The following EFTUD2 variants were observed in gnomAD, a reference collection of about 807,000 sequenced individuals.
EFTUD2 encodes the protein 116 kDa U5 small nuclear ribonucleoprotein component.
In EFTUD2, 9 loss-of-function variants were observed where a neutral mutation model predicts 114.3. That is an observed-to-expected ratio of 0.08 (90% CI 0.05 to 0.14). The LOEUF is 0.14. Ranked by LOEUF, EFTUD2 falls within the 10% of genes least tolerant of loss-of-function variation. The pLI is 1.00. For missense variants in EFTUD2, 765 were observed against 1,241.2 expected, an observed-to-expected ratio of 0.62 and a Z score of 5.76; for synonymous variants, 449 against 462.3, an observed-to-expected ratio of 0.97 and a Z score of 0.37.
At chr17:44,884,747 C>T (rs1050962419) in intron 4 of EFTUD2, among the ~76,000 whole-genome samples, 7 of 151,942 alleles carry the variant, frequency 4.6e-5, no homozygotes, top group Non-Finnish European at 8.8e-5. Flanking sequence ...ATTAGCCAGG[C>T]GTGGTGGTGT....
intron 25 of EFTUD2, 73 bp downstream of exon 25, chr17:44,853,223 C>T (rs2050487596): frequency 6.6e-7 from 1 of 1,510,800 alleles, no homozygotes. Context: ...CCTCTCTTCC[C>T]TGTAGGAGCC....
At chr17:44,888,256 AT>A (rs1246669582) in intron 2 of EFTUD2, among the ~76,000 whole-genome samples, 1 of 152,172 alleles carries the variant, frequency 6.6e-6, no homozygotes. Flanking sequence ...CGCTCTAAGA[AT>A]TTGGACTTTA....
chr17:44,872,617 G>T lies in EFTUD2; in HGVS notation c.870-47C>A, dbSNP rs759523694. On this transcript the variant is annotated intron_variant, in intron 10 of 27. Coordinates refer to ENST00000426333, the MANE Select transcript of EFTUD2 (RefSeq NM_004247.4). ...ACACAGTGCCAGGCTGCAGCAGCCC[G>T]GACGCACTGCCAAGGGGAAGGGCAG... 3 of 1,539,836 alleles carry T rather than the reference G, an allele frequency of 1.9e-6. No individual in the cohort carries two copies. In the South Asian group the frequency reaches 3.7e-5, roughly 19 times the overall value.
chr17:44,876,617 C>G (rs1423648771), intron 9 of EFTUD2, among the ~76,000 whole-genome samples: 1 of 152,004 alleles, frequency 6.6e-6, no homozygotes, highest in Non-Finnish European at 1.5e-5. Flanking sequence ...CTTTGGGAGG[C>G]TGAGGTGGGC....
Position 44,850,668 on chromosome 17 carries a change from T to G in EFTUD2, c.*606A>C. On this transcript the variant is annotated 3_prime_UTR_variant, in exon 28 of 28. Coordinates refer to ENST00000426333, the MANE Select transcript of EFTUD2 (RefSeq NM_004247.4). Reference sequence around the variant, plus strand: ...CTTCTGATCGCAGGAACCCAACAACTCCCAAGCCATCTTAGGTTCCACCCA... The same window carrying G: ...CTTCTGATCGCAGGAACCCAACAACGCCCAAGCCATCTTAGGTTCCACCCA... The G allele has an allele frequency of 2.8e-6, 1 of 357,782 alleles. No individual in the cohort carries two copies. The highest frequency in any genetic ancestry group is 5.3e-6 in the Non-Finnish European group (1 of 190,306). 22.2% of individuals were successfully genotyped at this position (357,782 alleles called of 1,614,324 possible).
intron 7 of EFTUD2, 78 bp downstream of exon 7, chr17:44,881,609 G>C: frequency 1.4e-6 from 2 of 1,464,262 alleles, no homozygotes; most frequent in Non-Finnish European, 1.9e-6. Context: ...TATCATAAAG[G>C]CTCCTCTACA....
At chr17:44,883,751 G>C in intron 4 of EFTUD2, 27 bp from the exon 5 acceptor site, 1 of 1,611,400 alleles carries the variant, frequency 6.2e-7, no homozygotes, top group Admixed American at 1.7e-5. Flanking sequence ...AAAGAGAAAA[G>C]AGAGATTGGC....
At chr17:44,893,281 C>A (rs747638195) in intron 2 of EFTUD2, among the ~76,000 whole-genome samples, 7 of 152,116 alleles carry the variant, frequency 4.6e-5, no homozygotes, top group Non-Finnish European at 8.8e-5. Context: ...CGCCAACAAG[C>A]CTGGCTAATA....
intron 20 of EFTUD2, among the ~76,000 whole-genome samples, chr17:44,855,958 G>GA (rs530662136): frequency 0.21 from 26,902 of 127,926 alleles, 2,919 homozygotes; most frequent in African/African-American, 0.32. Context: ...TGTCTCAAAA[G>GA]AAAAAAAAAA....
At chr17:44,866,393 C>T (rs1014885394) in intron 13 of EFTUD2, among the ~76,000 whole-genome samples, 1 of 151,212 alleles carries the variant, frequency 6.6e-6, no homozygotes, top group African/African-American at 2.4e-5. Context: ...CACAAGTGCA[C>T]ACCACCAGTC....
chr17:44,866,571 G>T (rs2050749793), intron 13 of EFTUD2, among the ~76,000 whole-genome samples: 1 of 152,054 alleles, frequency 6.6e-6, no homozygotes, highest in Non-Finnish European at 1.5e-5. Context: ...TAGAAATGGG[G>T]TCTTGCCATG....
At chr17:44,876,855 C>CAA (rs58892812) in intron 9 of EFTUD2, among the ~76,000 whole-genome samples, 3,788 of 48,198 alleles carry the variant, frequency 0.079, 732 homozygotes, top group East Asian at 0.14. Context: ...GACTCCGTCT[C>CAA]AAAAAAAAAA....
intron 2 of EFTUD2, among the ~76,000 whole-genome samples, chr17:44,888,803 T>C (rs1000188945): frequency 6.6e-6 from 1 of 152,066 alleles, no homozygotes; most frequent in Admixed American, 6.5e-5. Flanking sequence ...GCTCAGTACT[T>C]AGGTGTGAGT....
At chr17:44,897,244 CCA>C (rs1567758925) in intron 1 of EFTUD2, among the ~76,000 whole-genome samples, 1 of 148,378 alleles carries the variant, frequency 6.7e-6, no homozygotes, top group East Asian at 2.0e-4. Context: ...AAAGAATTTA[CCA>C]GAGTCCTAGG....
At chr17:44,866,837 C>T (rs1369081437) in intron 13 of EFTUD2, among the ~76,000 whole-genome samples, 1 of 152,172 alleles carries the variant, frequency 6.6e-6, no homozygotes, top group African/African-American at 2.4e-5. Flanking sequence ...AGGTGGTGGA[C>T]TCCTGCCTGT....
intron 17 of EFTUD2, 76 bp downstream of exon 17, chr17:44,860,356 G>T: frequency 9.7e-7 from 1 of 1,032,000 alleles, no homozygotes; most frequent in Non-Finnish European, 1.5e-6. Flanking sequence ...CTGTGGATTA[G>T]TCCCGTTTGT....
At chr17:44,886,878 G>A in intron 2 of EFTUD2, 128 bp from the exon 3 acceptor site, 1 of 1,443,872 alleles carries the variant, frequency 6.9e-7, no homozygotes, top group Non-Finnish European at 9.2e-7. Flanking sequence ...TTCTATGCCA[G>A]TGGGGGAGGT....
chr17:44,864,189 C>T (rs1318029216), intron 14 of EFTUD2: 1 of 166,264 alleles, frequency 6.0e-6, no homozygotes, highest in Non-Finnish European at 1.3e-5. Context: ...ATAAGTTACC[C>T]CGTTTTCTGA....
intron 7 of EFTUD2, among the ~76,000 whole-genome samples, chr17:44,880,991 A>G (rs1166889148): frequency 6.6e-6 from 1 of 152,218 alleles, no homozygotes; most frequent in East Asian, 1.9e-4. Flanking sequence ...AATCTGGGGT[A>G]TTTTAGTTTT....
Sources: allele counts gnomAD v4.1 joint callset (sites outside exome capture counted in the v4.1 genomes callset), GRCh38; gene constraint gnomAD v4.1.1; transcripts MANE v1.5; gene names NCBI Gene and HGNC (gene_info 2026-07-23, HGNC 2026-07-21).